ATAD2B: variants seen among roughly 807,000 people sequenced by gnomAD.
ATAD2B encodes ATPase family AAA domain containing 2B.
In ATAD2B, 40 loss-of-function variants were observed where a neutral mutation model predicts 167.6. The ratio of observed to expected loss-of-function variants is 0.24; its 90% confidence interval spans 0.19 to 0.31. ATAD2B has a LOEUF of 0.31. ATAD2B is among the 10% of genes least tolerant of loss of function. The pLI is 1.00. For missense variants in ATAD2B, 1,242 were observed against 1,757.2 expected (o/e 0.71, Z 5.24); for synonymous variants, 579 against 596.5 (o/e 0.97, Z 0.43).
intron 13 of ATAD2B, among the ~76,000 whole-genome samples, chr2:23,849,013 T>TA (rs36050095): frequency 6.6e-6 from 1 of 150,850 alleles, no homozygotes. Flanking sequence ...ATTGAGACTC[T>TA]AAAAAAAAAC....
chr2:23,829,475 T>C (rs534487653), intron 14 of ATAD2B, among the ~76,000 whole-genome samples: 99 of 152,236 alleles, frequency 6.5e-4, no homozygotes, highest in Non-Finnish European at 1.0e-3. Flanking sequence ...TGCATGCCAG[T>C]TGTGGTGGCT....
At chr2:23,847,667 T>C (rs115536373) in intron 13 of ATAD2B, among the ~76,000 whole-genome samples, 2,246 of 149,226 alleles carry the variant, frequency 0.015, 22 homozygotes, top group Non-Finnish European at 0.022. Context: ...AACAAAGCTG[T>C]TTTTGCTTTT....
the ATAD2B span, among the ~76,000 whole-genome samples, chr2:23,683,031 T>G: frequency 6.6e-6 from 1 of 152,220 alleles, no homozygotes; most frequent in African/African-American, 2.4e-5. Context: ...AGGGCCTGCC[T>G]GGCAATCAGG....
intron 8 of ATAD2B, chr2:23,873,017 C>T: frequency 1.5e-6 from 1 of 682,002 alleles, no homozygotes. Context: ...GTGGCCATGG[C>T]AGCGGGCTGG....
chr2:23,807,830 T>C (rs1179101622), intron 18 of ATAD2B, among the ~76,000 whole-genome samples: 1 of 119,180 alleles, frequency 8.4e-6, no homozygotes, highest in Non-Finnish European at 1.8e-5. Context: ...AAAAAAAAAA[T>C]ATATATATAT....
At chr2:23,682,896 G>C in the ATAD2B span, among the ~76,000 whole-genome samples, 2 of 152,166 alleles carry the variant, frequency 1.3e-5, no homozygotes, top group African/African-American at 4.8e-5. This position sits in a 1 kb window ranked among gnomAD's most constrained non-coding sequence, Gnocchi z 4.1. Flanking sequence ...ATTCGGCCTT[G>C]CCATGGCTCC....
At chr2:23,718,945 C>T in the ATAD2B span, among the ~76,000 whole-genome samples, 1 of 152,198 alleles carries the variant, frequency 6.6e-6, no homozygotes, top group Non-Finnish European at 1.5e-5. Context: ...ACACTGGGCC[C>T]ACACACTAAT....
At chr2:23,706,807 T>G in the ATAD2B span, 1 of 579,408 alleles carries the variant, frequency 1.7e-6, no homozygotes, top group Non-Finnish European at 2.9e-6. Flanking sequence ...GAATATTCTC[T>G]ACATTGAATG....
chr2:23,836,220 C>G (rs941685654), intron 13 of ATAD2B, among the ~76,000 whole-genome samples: 4 of 152,200 alleles, frequency 2.6e-5, no homozygotes, highest in African/African-American at 9.6e-5. Flanking sequence ...GGCTGCTGCA[C>G]CGGGGCGGGC....
At chr2:23,891,474 C>G (rs1482812999) in intron 2 of ATAD2B, among the ~76,000 whole-genome samples, 1 of 151,704 alleles carries the variant, frequency 6.6e-6, no homozygotes, top group Non-Finnish European at 1.5e-5. Flanking sequence ...TTCCCTGTAT[C>G]GTTTCCTGAA....
chr2:23,847,741 CT>C (rs2149860723), intron 13 of ATAD2B, among the ~76,000 whole-genome samples: 5 of 151,680 alleles, frequency 3.3e-5, no homozygotes, highest in African/African-American at 1.2e-4. Flanking sequence ...AATCCCAGCA[CT>C]TTGGGAGACC....
the ATAD2B span, among the ~76,000 whole-genome samples, chr2:23,733,819 G>A: frequency 4.6e-5 from 7 of 151,876 alleles, no homozygotes; most frequent in South Asian, 2.1e-4. Flanking sequence ...CCCCAGTCCC[G>A]GCCTATAGCA....
intron 6 of ATAD2B, among the ~76,000 whole-genome samples, chr2:23,882,003 G>A (rs953414509): frequency 1.2e-4 from 18 of 151,986 alleles, no homozygotes; most frequent in African/African-American, 3.9e-4. Flanking sequence ...GATTACAGGC[G>A]TGAGCCAAAA....
At chr2:23,867,611 T>C (rs992049203) in intron 10 of ATAD2B, among the ~76,000 whole-genome samples, 8 of 152,192 alleles carry the variant, frequency 5.3e-5, no homozygotes, top group African/African-American at 1.9e-4. Flanking sequence ...CCTCATAACC[T>C]TCTCAGCCTC....
intron 7 of ATAD2B, among the ~76,000 whole-genome samples, chr2:23,879,066 G>C (rs1697467335): frequency 6.6e-6 from 1 of 152,098 alleles, no homozygotes. Flanking sequence ...AGTGAAAATG[G>C]TATAACCACT....
chr2:23,792,962 CAAA>C (rs36015161), intron 19 of ATAD2B, among the ~76,000 whole-genome samples: 942 of 42,304 alleles, frequency 0.022, 2 homozygotes, highest in Middle Eastern at 0.058. Flanking sequence ...GACTCTGTCT[CAAA>C]AAAAAAAAAA....
At chr2:23,822,641 C>T (rs749674181) in intron 16 of ATAD2B, among the ~76,000 whole-genome samples, 27 of 151,852 alleles carry the variant, frequency 1.8e-4, no homozygotes, top group Non-Finnish European at 3.2e-4. Context: ...ACAGGCCGGG[C>T]GGGGTGGCTC....
intron 22 of ATAD2B, among the ~76,000 whole-genome samples, chr2:23,768,302 G>A (rs1018798081): frequency 7.9e-5 from 12 of 152,100 alleles, no homozygotes; most frequent in Admixed American, 7.9e-4. Context: ...GGGAGGGAAA[G>A]GTAGTAGGAC....
the ATAD2B span, among the ~76,000 whole-genome samples, chr2:23,734,685 G>A: frequency 6.6e-6 from 1 of 152,100 alleles, no homozygotes; most frequent in Non-Finnish European, 1.5e-5. Context: ...ACTATCATGA[G>A]AACAGCAAGG....
Sources: allele counts gnomAD v4.1 joint callset (sites outside exome capture counted in the v4.1 genomes callset), GRCh38; gene constraint gnomAD v4.1.1; non-coding constraint Gnocchi (gnomAD v3.1); transcripts MANE v1.5; gene names NCBI Gene and HGNC (gene_info 2026-07-23, HGNC 2026-07-21).